EIF5B: variants seen among roughly 807,000 people sequenced by gnomAD.
EIF5B encodes the protein eIF-5B.
Under a neutral mutation model 147.5 loss-of-function variants are expected in EIF5B, and 47 were observed. The ratio of observed to expected loss-of-function variants is 0.32; its 90% confidence interval spans 0.25 to 0.41. EIF5B has a LOEUF of 0.41. Ranked by LOEUF, EIF5B falls within the 10% of genes least tolerant of loss-of-function variation. The pLI, the probability that EIF5B is intolerant of heterozygous loss-of-function variation, is 1.00. For missense variants in EIF5B, 1,064 were observed against 1,413.2 expected, an observed-to-expected ratio of 0.75 and a Z score of 3.96; for synonymous variants, 455 against 456.2, an observed-to-expected ratio of 1.00 and a Z score of 0.03.
At chr2:99,366,090 C>T (rs200607808) in intron 6 of EIF5B, among the ~76,000 whole-genome samples, 3 of 59,416 alleles carry the variant, frequency 5.0e-5, no homozygotes, top group African/African-American at 1.3e-4. Flanking sequence ...TAAGCATATA[C>T]ACACACACAC....
rs780802916 is a variant in EIF5B at position 99,361,414 on chromosome 2, T to G, written c.513T>G (p.Ser171Arg). Reference sequence around the variant, plus strand: ...GGTCAGAGGAGGATGAGGATAACAGTAAAAAAATTAAAGAGCGTTCAAGAA... The same window carrying G: ...GGTCAGAGGAGGATGAGGATAACAGGAAAAAAATTAAAGAGCGTTCAAGAA... ...WDGSEEDEDNSKKIKERSRIN... is the reference protein window; with the variant it reads ...WDGSEEDEDNRKKIKERSRIN... The change falls in exon 4 of 24, where the codon AGT (serine) becomes AGG (arginine). Residue 171 changes from serine (S) to arginine (R), a missense_variant. Ser to Arg is a moderately radical substitution (Grantham distance 110, BLOSUM62 -1). Around this residue, in one of 4 missense-constraint regions of EIF5B, gnomAD observed 458 missense variants for 451.3 expected, o/e 1.01. Coordinates refer to ENST00000289371, the MANE Select transcript of EIF5B (RefSeq NM_015904.4). 18 of 1,613,412 alleles carry G rather than the reference T, an allele frequency of 1.1e-5. 1 individual carries two copies. In the South Asian group the frequency reaches 1.9e-4, roughly 17 times the overall value.
intron 14 of EIF5B, among the ~76,000 whole-genome samples, chr2:99,385,047 A>C (rs990449149): frequency 6.6e-6 from 1 of 152,080 alleles, no homozygotes; most frequent in African/African-American, 2.4e-5. Flanking sequence ...GCTACAGATA[A>C]ATTTCTTTTT....
Position 99,369,513 on chromosome 2 carries a change from G to A in EIF5B, c.1477+32G>A. 3 of 1,523,630 alleles carry A rather than the reference G, an allele frequency of 2.0e-6. No homozygotes were observed. In the Middle Eastern group the frequency reaches 5.2e-4, roughly 266 times the overall value. 94.4% of individuals were successfully genotyped at this position (1,523,630 alleles called of 1,614,324 possible). A position where few individuals can be genotyped will look rare whatever the true frequency, so the allele number is the denominator to read the frequency against. On this transcript the variant is annotated intron_variant, in intron 8 of 23. Transcript: ENST00000289371. ...AGTGTTATCTGATTATTTAATTAGT[G>A]AATTCTTATTAAATAGTGTTGGTGT... is the stretch of plus-strand genomic sequence containing the variant.
intron 1 of EIF5B, among the ~76,000 whole-genome samples, chr2:99,344,449 T>G (rs1208627104): frequency 2.6e-5 from 4 of 151,874 alleles, no homozygotes; most frequent in Non-Finnish European, 4.4e-5. Context: ...TGGGTTTTTT[T>G]TTTTTGAGAC....
In EIF5B at chr2:99,353,005, C is replaced by CTTTTTTTTTTTTTTTTT. The variant is rs529053292; in HGVS notation, c.36-7220_36-7204dup. ...GCCTGGCTAATTTTTTCTTCTTCTT[C>CTTTTTTTTTTTTTTTTT]TTTTTTTTTTTTTTTTTTTTTTTTT... On this transcript the variant is annotated intron_variant, in intron 1 of 23. Transcript: ENST00000289371. Among the ~76,000 whole-genome samples the CTTTTTTTTTTTTTTTTT allele has an allele frequency of 1.6e-3, 102 of 62,856 alleles. 12 individuals carry two copies. The highest frequency in any genetic ancestry group is 2.1e-3 in the Non-Finnish European group (75 of 36,470). 41.2% of individuals were successfully genotyped at this position (62,856 alleles called of 152,430 possible).
chr2:99,386,569 C>G (rs1327717210), intron 14 of EIF5B, among the ~76,000 whole-genome samples: 1 of 149,650 alleles, frequency 6.7e-6, no homozygotes, highest in Non-Finnish European at 1.5e-5. Context: ...TTGCTGTTGC[C>G]CAGGCTGGAG....
intron 14 of EIF5B, among the ~76,000 whole-genome samples, chr2:99,385,749 G>A (rs948927388): frequency 6.6e-6 from 1 of 152,132 alleles, no homozygotes; most frequent in Non-Finnish European, 1.5e-5. Flanking sequence ...TCTGAGTTAC[G>A]CATGTATAAG....
At chr2:99,370,116 A>G (rs1476237701) in intron 8 of EIF5B, among the ~76,000 whole-genome samples, 1 of 152,212 alleles carries the variant, frequency 6.6e-6, no homozygotes, top group Admixed American at 6.5e-5. Flanking sequence ...AGGATTTTTA[A>G]CTAGAACTTT....
chr2:99,348,090 G>A (rs946527342), intron 1 of EIF5B, among the ~76,000 whole-genome samples: 1 of 152,014 alleles, frequency 6.6e-6, no homozygotes, highest in Admixed American at 6.6e-5. Flanking sequence ...ATGTGTATCG[G>A]GGGCGTCTAC....
At chr2:99,380,850 T>C (rs563311062) in intron 12 of EIF5B, among the ~76,000 whole-genome samples, 1 of 152,364 alleles carries the variant, frequency 6.6e-6, no homozygotes, top group East Asian at 1.9e-4. Flanking sequence ...TTAACATTCC[T>C]TGAATTTTTG....
intron 12 of EIF5B, 61 bp from the exon 13 acceptor site, chr2:99,382,098 C>T (rs2290256): frequency 0.57 from 817,734 of 1,435,380 alleles, 236,728 homozygotes; most frequent in African/African-American, 0.75. Flanking sequence ...AAGGATTGTT[C>T]TGTAAAGAAG....
Position 99,363,479 on chromosome 2 carries a change from C to T in EIF5B, c.920-166C>T, listed in dbSNP as rs570091993. ...CATCTGTGAGTTATTCTGAGCTATT[C>T]TAGTTACCAAAGTGCTCAGGATGCC... On this transcript the variant is annotated intron_variant, in intron 4 of 23. Coordinates refer to ENST00000289371, the MANE Select transcript of EIF5B (RefSeq NM_015904.4). Among the ~76,000 whole-genome samples the T allele has an allele frequency of 2.0e-5, 3 of 152,324 alleles. No homozygotes were observed. In the South Asian group the frequency reaches 6.2e-4, roughly 32 times the overall value.
intron 1 of EIF5B, among the ~76,000 whole-genome samples, chr2:99,345,749 A>C (rs1254212656): frequency 1.3e-5 from 2 of 152,048 alleles, no homozygotes; most frequent in Non-Finnish European, 2.9e-5. Flanking sequence ...GTTTAAGACC[A>C]GCCCGTGCAA....
chr2:99,382,345 C>T, intron 13 of EIF5B, 119 bp downstream of exon 13: 1 of 713,744 alleles, frequency 1.4e-6, no homozygotes, highest in Non-Finnish European at 2.3e-6. Flanking sequence ...ACCACTCCAC[C>T]TTTGTACCTC....
chr2:99,376,887 T>C (rs1372553810), intron 10 of EIF5B, among the ~76,000 whole-genome samples: 2 of 152,220 alleles, frequency 1.3e-5, no homozygotes, highest in Non-Finnish European at 2.9e-5. Flanking sequence ...CAAATTTTAA[T>C]GTACTCTTTG....
chr2:99,347,668 C>T (rs897177417), intron 1 of EIF5B, among the ~76,000 whole-genome samples: 8 of 152,006 alleles, frequency 5.3e-5, no homozygotes, highest in Non-Finnish European at 1.0e-4. Flanking sequence ...TTCAGCATGC[C>T]TGAACTAGCA....
rs1205026904 is a variant in EIF5B at position 99,363,867 on chromosome 2, G to C, written c.1137+5G>C. 1 of 1,598,918 alleles carries C rather than the reference G, an allele frequency of 6.3e-7. No homozygotes were observed. The highest frequency in any genetic ancestry group is 2.2e-5 in the East Asian group (1 of 44,762). The stretch of plus-strand genomic sequence containing the variant: ...GAAGCCAAGCGTAAAGAAGAGGTAT[G>C]TTTTCATGAAGTTGGTAACATTGAT... On this transcript the variant is annotated splice_donor_5th_base_variant and intron_variant, in intron 5 of 23. Transcript: ENST00000289371.
At chr2:99,362,526 C>T (rs1481082359) in intron 4 of EIF5B, among the ~76,000 whole-genome samples, 1 of 151,954 alleles carries the variant, frequency 6.6e-6, no homozygotes, top group African/African-American at 2.4e-5. Context: ...TGGTGAAACC[C>T]CATCTCTACT....
chr2:99,400,372 T>G lies in EIF5B; in HGVS notation c.*958T>G, dbSNP rs1675205360. 6.6e-6 allele frequency: 1 copy of G among 152,222 alleles called. No individual in the cohort carries two copies. The allele number at this position is 152,222 out of a possible 1,614,324, so 9.4% of individuals were successfully genotyped here. The stretch of plus-strand genomic sequence containing the variant: ...TTCTAAATTGTTGCAGACACAAAAC[T>G]TAATGATTCATTCGTAGTAGTAATC... On this transcript the variant is annotated 3_prime_UTR_variant, in exon 24 of 24. Coordinates refer to ENST00000289371, the MANE Select transcript of EIF5B (RefSeq NM_015904.4).
Sources: allele counts gnomAD v4.1 joint callset (sites outside exome capture counted in the v4.1 genomes callset), GRCh38; gene constraint gnomAD v4.1.1; regional missense constraint gnomAD v4.1.1; transcripts MANE v1.5; gene names NCBI Gene and HGNC (gene_info 2026-07-23, HGNC 2026-07-21).